SLC9D1: variants seen among roughly 807,000 people sequenced by gnomAD.
SLC9D1 encodes putative LAG1-interacting protein.
chr13:113,496,220 C>A, the SLC9D1 span, among the ~76,000 whole-genome samples: 1 of 152,236 alleles, frequency 6.6e-6, no homozygotes, highest in African/African-American at 2.4e-5. Flanking sequence ...AGAAAAATCT[C>A]TCATGTGAGG....
chr13:113,501,714 A>G, the SLC9D1 span: 1 of 1,570,354 alleles, frequency 6.4e-7, no homozygotes, highest in Non-Finnish European at 8.7e-7. Context: ...TACCACTGTT[A>G]TCTTATACTT....
the SLC9D1 span, chr13:113,547,361 G>C: frequency 6.2e-7 from 1 of 1,613,960 alleles, no homozygotes; most frequent in Non-Finnish European, 8.5e-7. Context: ...TCCTCACCTT[G>C]TCAGTGGTGG....
At chr13:113,520,849 TGCACAGTCCCTGGA>T in the SLC9D1 span, 1 of 778,458 alleles carries the variant, frequency 1.3e-6, no homozygotes, top group African/African-American at 1.7e-5. Flanking sequence ...CAGGATTCCG[TGCACAGTCCCTGGA>T]GCAACACTGC....
the SLC9D1 span, among the ~76,000 whole-genome samples, chr13:113,533,663 A>C: frequency 6.6e-6 from 1 of 152,224 alleles, no homozygotes; most frequent in Non-Finnish European, 1.5e-5. Context: ...GAGTTCGTCC[A>C]TCAGGCGACT....
the SLC9D1 span, among the ~76,000 whole-genome samples, chr13:113,492,144 T>C: frequency 6.6e-6 from 1 of 151,998 alleles, no homozygotes; most frequent in Non-Finnish European, 1.5e-5. Flanking sequence ...CCCGGCTAAT[T>C]ATTTCATTTT....
chr13:113,544,456 G>T, the SLC9D1 span, among the ~76,000 whole-genome samples: 2 of 152,240 alleles, frequency 1.3e-5, no homozygotes, highest in Non-Finnish European at 1.5e-5. Context: ...ATGAGGGTTC[G>T]CCAGCTGCGG....
chr13:113,506,365 T>A, the SLC9D1 span, among the ~76,000 whole-genome samples: 1 of 102,764 alleles, frequency 9.7e-6, no homozygotes, highest in Admixed American at 1.0e-4. Context: ...CTGCCTGGCC[T>A]GTGGAGGAAG....
At chr13:113,529,872 A>T in the SLC9D1 span, 1 of 152,224 alleles carries the variant, frequency 6.6e-6, no homozygotes, top group African/African-American at 2.4e-5. Context: ...GAAATGGTTA[A>T]CATGGTACAT....
chr13:113,526,628 A>C, the SLC9D1 span, among the ~76,000 whole-genome samples: 113 of 152,222 alleles, frequency 7.4e-4, 2 homozygotes, highest in East Asian at 0.018. Context: ...CGAAGGCTGT[A>C]GGATTGCTTG....
chr13:113,545,506 T>A, the SLC9D1 span, among the ~76,000 whole-genome samples: 6 of 152,246 alleles, frequency 3.9e-5, no homozygotes, highest in Non-Finnish European at 8.8e-5. Flanking sequence ...CTCATTTTCA[T>A]TGCTGTTTCT....
At chr13:113,499,980 C>CAGTT in the SLC9D1 span, 1 of 1,519,726 alleles carries the variant, frequency 6.6e-7, no homozygotes, top group Non-Finnish European at 8.9e-7. Flanking sequence ...AATTTTGAGG[C>CAGTT]AGTTCTGAGG....
the SLC9D1 span, among the ~76,000 whole-genome samples, chr13:113,510,974 G>A: frequency 3.3e-4 from 39 of 118,634 alleles, no homozygotes; most frequent in East Asian, 8.8e-3. Context: ...GTCCCTCTGC[G>A]GGGAGGACAG....
the SLC9D1 span, chr13:113,547,516 G>A: frequency 1.0e-5 from 7 of 673,856 alleles, no homozygotes; most frequent in South Asian, 1.1e-4. Flanking sequence ...GGCCCACTGG[G>A]CCACTGGACC....
the SLC9D1 span, chr13:113,495,969 AACAT>A: frequency 1.2e-6 from 2 of 1,613,748 alleles, no homozygotes; most frequent in Non-Finnish European, 1.7e-6. Flanking sequence ...AGATGTCGTG[AACAT>A]GAAGGAGAGC....
chr13:113,495,126 A>G, the SLC9D1 span, among the ~76,000 whole-genome samples: 2 of 152,212 alleles, frequency 1.3e-5, no homozygotes, highest in Non-Finnish European at 2.9e-5. Flanking sequence ...AGTGCTTGGG[A>G]TTACAGGCAT....
At chr13:113,504,085 C>G in the SLC9D1 span, 1 of 153,242 alleles carries the variant, frequency 6.5e-6, no homozygotes, top group South Asian at 2.0e-4. Flanking sequence ...GAATTAAGAT[C>G]AGATACCACT....
the SLC9D1 span, among the ~76,000 whole-genome samples, chr13:113,538,579 G>A: frequency 1.5e-4 from 23 of 152,360 alleles, no homozygotes; most frequent in African/African-American, 2.9e-4. Context: ...TGAGTCTTCC[G>A]TCTTTCGTGG....
the SLC9D1 span, among the ~76,000 whole-genome samples, chr13:113,540,083 G>GTAA: frequency 6.6e-6 from 1 of 152,196 alleles, no homozygotes; most frequent in Non-Finnish European, 1.5e-5. Context: ...ATTCCCTGAT[G>GTAA]TATATGTACC....
At chr13:113,537,003 G>A in the SLC9D1 span, among the ~76,000 whole-genome samples, 1 of 152,168 alleles carries the variant, frequency 6.6e-6, no homozygotes, top group South Asian at 2.1e-4. Context: ...CTCTGATGGG[G>A]GCTCCAGCGT....
Sources: allele counts gnomAD v4.1 joint callset (sites outside exome capture counted in the v4.1 genomes callset), GRCh38; gene constraint gnomAD v4.1.1; transcripts MANE v1.5; gene names NCBI Gene and HGNC (gene_info 2026-07-23, HGNC 2026-07-21).